The following BRPF3 variants were observed in gnomAD, a reference collection of about 807,000 sequenced individuals.
BRPF3 encodes the protein bromodomain and PHD finger-containing protein 3.
In BRPF3, 18 loss-of-function variants were observed where a neutral mutation model predicts 102.0. That is an observed-to-expected ratio of 0.18 (90% CI 0.12 to 0.26). The LOEUF is 0.26. BRPF3 is among the 10% of genes least tolerant of loss of function. The probability of loss-of-function intolerance (pLI) is 1.00; values close to 1 mark genes in which losing one functional copy is unlikely to be tolerated. For synonymous variants in BRPF3, 570 were observed against 614.2 expected (o/e 0.93, Z 1.06); for missense variants, 1,147 against 1,567.8 (o/e 0.73, Z 4.53).
At chr6:36,218,707 C>T (rs1426571416) in intron 9 of BRPF3, among the ~76,000 whole-genome samples, 2 of 152,148 alleles carry the variant, frequency 1.3e-5, no homozygotes, top group Admixed American at 1.3e-4. Context: ...GATCTGCCCG[C>T]CGCAGCATCC....
rs80057584 is a variant in BRPF3, at chr6:36,201,058, G to A, written c.736G>A (p.Val246Ile). 2.4e-4 allele frequency: 388 copies of A among 1,614,058 alleles called. No individual in the cohort carries two copies. Among genetic ancestry groups the A allele is most frequent in the Non-Finnish European group, 3.0e-4 (359 of 1,180,008 alleles). Reference protein sequence around the residue: ...NLAVHQECYGVPYIPEGQWLC... With the variant: ...NLAVHQECYGIPYIPEGQWLC... ...GGCTGTACACCAGGAGTGCTATGGCGTCCCATACATCCCTGAGGGCCAGTG... is the reference window on the plus strand; with the variant it reads ...GGCTGTACACCAGGAGTGCTATGGCATCCCATACATCCCTGAGGGCCAGTG... The change falls in exon 2 of 13, where the codon GTC becomes ATC. Residue 246 changes from valine to isoleucine, a missense_variant. Val to Ile is a conservative substitution (Grantham distance 29). This residue lies in a region of BRPF3 where 221 missense variants were observed against 337.1 expected (regional missense o/e 0.66). Transcript: ENST00000357641. The surrounding 1 kb of genome is among the most constrained non-coding windows in gnomAD (Gnocchi z 5.1).
chr6:36,205,941 T>A (rs1023920245), intron 3 of BRPF3, among the ~76,000 whole-genome samples: 1 of 152,210 alleles, frequency 6.6e-6, no homozygotes, highest in Non-Finnish European at 1.5e-5. Context: ...TCAGTAAACT[T>A]ATTTCCCCAT....
intron 2 of BRPF3, among the ~76,000 whole-genome samples, chr6:36,202,565 G>T (rs894200396): frequency 3.3e-5 from 5 of 152,096 alleles, no homozygotes; most frequent in African/African-American, 1.2e-4. Flanking sequence ...CATCTCAGGG[G>T]TGGTGTTCAT....
At chr6:36,203,365 A>T (rs1767786488) in intron 2 of BRPF3, among the ~76,000 whole-genome samples, 1 of 152,252 alleles carries the variant, frequency 6.6e-6, no homozygotes. Flanking sequence ...TCTGGCAAAT[A>T]GTAAGTGCTC....
chr6:36,211,630 T>C (rs1768118112), intron 7 of BRPF3, 70 bp downstream of exon 7: 1 of 1,489,812 alleles, frequency 6.7e-7, no homozygotes, highest in African/African-American at 1.4e-5. Context: ...TGAAATATCA[T>C]AATGGGGGTA....
At chr6:36,223,623 T>G (rs1391566469) in intron 10 of BRPF3, among the ~76,000 whole-genome samples, 1 of 152,202 alleles carries the variant, frequency 6.6e-6, no homozygotes, top group African/African-American at 2.4e-5. Context: ...TTTTTTTTTG[T>G]ACTTTCTTCA....
In BRPF3 at chr6:36,230,330, C is replaced by T; in HGVS notation, c.3435-96C>T. On this transcript the variant is annotated intron_variant, in intron 12 of 12. Transcript: ENST00000357641. The surrounding 1 kb of genome is among the most constrained non-coding windows in gnomAD (Gnocchi z 5.4). ...GCTTCCCTCTGCCCTGTACCCTCTCCCTGGCTTTGCTGGTCCTGGCCAAGT... is the reference window on the plus strand; with the variant it reads ...GCTTCCCTCTGCCCTGTACCCTCTCTCTGGCTTTGCTGGTCCTGGCCAAGT... 1 of 1,302,542 alleles carries T rather than the reference C, an allele frequency of 7.7e-7. No individual in the cohort carries two copies. Among genetic ancestry groups the T allele is most frequent in the East Asian group, 2.3e-5 (1 of 43,060 alleles). 80.7% of individuals were successfully genotyped at this position (1,302,542 alleles called of 1,614,324 possible).
Position 36,210,793 on chromosome 6 carries a change from A to C in BRPF3, c.2179+265A>C, listed in dbSNP as rs1322986818. 6.6e-6 allele frequency among the ~76,000 whole-genome samples: 1 copy of C among 152,232 alleles called. No homozygotes were observed. ...TTTGAAAAGCTTAAAGCCTCATCAG[A>C]GGTCTTCCTCTCTTGGATCCCCTCT... On this transcript the variant is annotated intron_variant, in intron 6 of 12. Coordinates refer to ENST00000357641, the MANE Select transcript of BRPF3 (RefSeq NM_015695.3). The surrounding 1 kb of genome is among the most constrained non-coding windows in gnomAD (Gnocchi z 4.7).
chr6:36,209,104 C>T (rs1183317483), intron 4 of BRPF3, among the ~76,000 whole-genome samples: 1 of 152,222 alleles, frequency 6.6e-6, no homozygotes, highest in Non-Finnish European at 1.5e-5. Context: ...AGACTAGTAA[C>T]TCCTTCATCA....
intron 3 of BRPF3, among the ~76,000 whole-genome samples, chr6:36,205,288 G>T (rs1767866064): frequency 6.6e-6 from 1 of 152,216 alleles, no homozygotes; most frequent in Middle Eastern, 3.2e-3. Flanking sequence ...TGGAGTTGCT[G>T]CATGTTTAAT....
chr6:36,205,590 T>C (rs1337285727), intron 3 of BRPF3, among the ~76,000 whole-genome samples: 1 of 152,240 alleles, frequency 6.6e-6, no homozygotes, highest in African/African-American at 2.4e-5. Flanking sequence ...TTTCCTTATA[T>C]TCTCACCTGA....
Position 36,196,797 on chromosome 6 carries a change from G to A in BRPF3, c.-200G>A, listed in dbSNP as rs1185153834. ...CATTCCCCCTCCTCCCCCGGGAGCG[G>A]CGGCGGCGGCCGGGCCGGGGCCCCA... On this transcript the variant is annotated 5_prime_UTR_variant, in exon 1 of 13. Coordinates refer to ENST00000357641, the MANE Select transcript of BRPF3 (RefSeq NM_015695.3). 1 of 153,558 alleles carries A rather than the reference G, an allele frequency of 6.5e-6. No homozygotes were observed. Among genetic ancestry groups the A allele is most frequent in the African/African-American group, 2.4e-5 (1 of 41,280 alleles). 9.5% of individuals were successfully genotyped at this position (153,558 alleles called of 1,614,324 possible).
intron 4 of BRPF3, among the ~76,000 whole-genome samples, chr6:36,208,591 G>A (rs1444442270): frequency 2.6e-5 from 4 of 152,166 alleles, no homozygotes; most frequent in Non-Finnish European, 5.9e-5. Flanking sequence ...CTCATAGCCT[G>A]GGCAGCTCAT....
Position 36,213,718 on chromosome 6 carries a change from AC to A in BRPF3, c.2483-160del. 1.1e-5 allele frequency: 9 copies of A among 786,776 alleles called. No individual in the cohort carries two copies. The South Asian group carries it at 1.5e-4, about 13-fold the overall frequency. The allele number at this position is 786,776 out of a possible 1,614,324, so 48.7% of individuals were successfully genotyped here. The stretch of plus-strand genomic sequence containing the variant: ...ATCCTGTCTCTGAAAAAAAAAAAAA[AC>A]CTAATCCTCCTTTCTCTTTGCTTCA... On this transcript the variant is annotated intron_variant, in intron 7 of 12. Coordinates refer to ENST00000357641, the MANE Select transcript of BRPF3 (RefSeq NM_015695.3).
At chr6:36,216,599 A>G (rs772635059) in intron 8 of BRPF3, among the ~76,000 whole-genome samples, 42 of 152,264 alleles carry the variant, frequency 2.8e-4, no homozygotes, top group Non-Finnish European at 5.9e-4. Flanking sequence ...ATTGTGGCTC[A>G]GACACCTGCT....
Position 36,230,272 on chromosome 6 carries a change from C to T in BRPF3, c.3435-154C>T, listed in dbSNP as rs555626218. On this transcript the variant is annotated intron_variant, in intron 12 of 12. Coordinates refer to ENST00000357641, the MANE Select transcript of BRPF3 (RefSeq NM_015695.3). This position sits in a 1 kb window ranked among gnomAD's most constrained non-coding sequence, Gnocchi z 5.4. ...GCTTGCTGTCCTCACCTGCTAGGTT[C>T]TTGGTGGCCTCCTGCATGGAGTCCC... is the stretch of plus-strand genomic sequence containing the variant. Among the ~76,000 whole-genome samples the T allele has an allele frequency of 4.6e-5, 7 of 152,250 alleles. No individual in the cohort carries two copies. The highest frequency in any genetic ancestry group is 1.0e-4 in the Non-Finnish European group (7 of 68,022).
At position 36,230,544 on chromosome 6, in the gene BRPF3, C is replaced by T. The variant is rs1768904028; in HGVS notation, c.3553C>T (p.Arg1185Cys). The stretch of plus-strand genomic sequence containing the variant: ...CAAGTCAGTGCAGGTGGCCTATGAC[C>T]GTGCGATGATCCACCTGAGCAGAGT... ...IRKSVQVAYD[R>C]AMIHLSRVRG... Residue 1185 changes from arginine (R) to cysteine (C), a missense_variant, in exon 13 of 13, where the codon CGT becomes TGT. Coordinates refer to ENST00000357641, the MANE Select transcript of BRPF3 (RefSeq NM_015695.3). This position sits in a 1 kb window ranked among gnomAD's most constrained non-coding sequence, Gnocchi z 5.4. 1.9e-6 allele frequency: 3 copies of T among 1,614,204 alleles called. No individual in the cohort carries two copies. Among genetic ancestry groups the T allele is most frequent in the Non-Finnish European group, 1.7e-6 (2 of 1,180,026 alleles).
chr6:36,209,980 A>G lies in BRPF3; in HGVS notation c.1866+65A>G, dbSNP rs1581960399. ...AACTGGAACAGGGTCTGAGTAGGCT[A>G]GGAAGGAGTTGGGCCACAGGGTGTA... On this transcript the variant is annotated intron_variant, in intron 5 of 12. Coordinates refer to ENST00000357641, the MANE Select transcript of BRPF3 (RefSeq NM_015695.3). 17 of 1,594,714 alleles carry G rather than the reference A, an allele frequency of 1.1e-5. No individual in the cohort carries two copies. In the South Asian group the frequency reaches 1.3e-4, roughly 12 times the overall value.
chr6:36,210,269 G>A lies in BRPF3; in HGVS notation c.1920G>A (p.Arg640=). 1 of 1,614,212 alleles carries A rather than the reference G, an allele frequency of 6.2e-7. No homozygotes were observed. The highest frequency in any genetic ancestry group is 1.1e-5 in the South Asian group (1 of 91,082). Residue 640 remains arginine (R), a synonymous_variant, in exon 6 of 13, where the codon AGG becomes AGA. Coordinates refer to ENST00000357641, the MANE Select transcript of BRPF3 (RefSeq NM_015695.3). The surrounding 1 kb of genome is among the most constrained non-coding windows in gnomAD (Gnocchi z 4.7). The part of the protein sequence containing the change: ...ISKPMDFSTM[R]RKLESHLYRT... ...AGCCAATGGATTTTTCTACTATGAGGCGGAAGCTGGAGTCCCACCTGTACC... is the reference window on the plus strand; with the variant it reads ...AGCCAATGGATTTTTCTACTATGAGACGGAAGCTGGAGTCCCACCTGTACC...
Sources: allele counts gnomAD v4.1 joint callset (sites outside exome capture counted in the v4.1 genomes callset), GRCh38; gene constraint gnomAD v4.1.1; regional missense constraint gnomAD v4.1.1; non-coding constraint Gnocchi (gnomAD v3.1); transcripts MANE v1.5; gene names NCBI Gene and HGNC (gene_info 2026-07-23, HGNC 2026-07-21).